Variants in ROBO2 observed in about 807,000 individuals in gnomAD.
ROBO2 encodes the protein roundabout guidance receptor 2, also known as roundabout homolog 2.
In ROBO2, 53 loss-of-function variants were observed where a neutral mutation model predicts 160.8. That is an observed-to-expected ratio of 0.33 (90% CI 0.26 to 0.41). The LOEUF (loss-of-function observed/expected upper bound fraction) is 0.41. ROBO2 is among the 10% of genes least tolerant of loss of function. The probability of loss-of-function intolerance (pLI) is 1.00; values close to 1 mark genes in which losing one functional copy is unlikely to be tolerated. For missense variants in ROBO2, 1,577 were observed against 1,722.4 expected (o/e 0.92, Z 1.49); for synonymous variants, 664 against 611.7 (o/e 1.09, Z -1.26).
chr3:77,008,923 A>C (rs114873354), intron 2 of ROBO2, among the ~76,000 whole-genome samples: 1 of 152,228 alleles, frequency 6.6e-6, no homozygotes, highest in Non-Finnish European at 1.5e-5. Flanking sequence ...CTCAATAACA[A>C]TTTGCTGAGT....
chr3:76,078,990 A>G (rs1279542417), intron 2 of ROBO2, among the ~76,000 whole-genome samples: 1 of 152,154 alleles, frequency 6.6e-6, no homozygotes, highest in African/African-American at 2.4e-5. Context: ...TCTGATGATT[A>G]GTGATGTTGA....
chr3:76,901,586 A>AC (rs1398055759), intron 2 of ROBO2, among the ~76,000 whole-genome samples: 1 of 150,968 alleles, frequency 6.6e-6, no homozygotes, highest in Non-Finnish European at 1.5e-5. Flanking sequence ...AAAAAAAAAA[A>AC]AAAGATACAG....
At chr3:77,277,173 TTTCTTTCTTTCTTTCTTTC>T (rs2059909501) in intron 2 of ROBO2, among the ~76,000 whole-genome samples, 1 of 96,850 alleles carries the variant, frequency 1.0e-5, no homozygotes, top group African/African-American at 4.9e-5. Context: ...TCTTTCTTTC[TTTCTTTCTTTCTTTCTTTC>T]TTTCTTTCTT....
intron 2 of ROBO2, among the ~76,000 whole-genome samples, chr3:76,999,272 G>C (rs558447078): frequency 2.4e-4 from 37 of 152,022 alleles, no homozygotes; most frequent in African/African-American, 8.7e-4. Context: ...GTCACCTACA[G>C]CCTGGGTGGT....
In ROBO2 at chr3:76,680,292, T is replaced by TTTTG. The variant is rs887179510; in HGVS notation, c.110-417706_110-417703dup. On this transcript the variant is annotated intron_variant, in intron 2 of 26. Transcript: ENST00000487694. Reference sequence around the variant, plus strand: ...CACTGCCTGAATATTTTAGAACATTTTTTGTTTGTTTGTTTGTTTTCCTTT... The same window carrying TTTTG: ...CACTGCCTGAATATTTTAGAACATTTTTTGTTTGTTTGTTTGTTTGTTTTCCTTT... Among the ~76,000 whole-genome samples, 15 of 152,112 alleles carry TTTTG rather than the reference T, an allele frequency of 9.9e-5. No individual in the cohort carries two copies. The East Asian group carries it at 2.3e-3, about 24-fold the overall frequency.
intron 2 of ROBO2, among the ~76,000 whole-genome samples, chr3:77,321,638 G>C (rs959792071): frequency 6.6e-6 from 1 of 152,184 alleles, no homozygotes; most frequent in African/African-American, 2.4e-5. Flanking sequence ...CTAGAGATTA[G>C]TTGAGTGTTA....
intron 2 of ROBO2, among the ~76,000 whole-genome samples, chr3:77,290,330 CAGACAT>C (rs1423577379): frequency 2.1e-5 from 1 of 47,374 alleles, no homozygotes; most frequent in Non-Finnish European, 4.2e-5. Context: ...TAGATCACCC[CAGACAT>C]AAAGTAAAAT....
chr3:76,522,727 A>G (rs192349310), intron 2 of ROBO2, among the ~76,000 whole-genome samples: 1 of 152,108 alleles, frequency 6.6e-6, no homozygotes, highest in African/African-American at 2.4e-5. Context: ...CATTCACTAT[A>G]CTACTTATTA....
At chr3:76,055,746 C>A (rs564162332) in intron 2 of ROBO2, among the ~76,000 whole-genome samples, 1 of 152,052 alleles carries the variant, frequency 6.6e-6, no homozygotes, top group African/African-American at 2.4e-5. Flanking sequence ...TGTTGACCAC[C>A]AGCTTTTATT....
intron 2 of ROBO2, among the ~76,000 whole-genome samples, chr3:76,883,987 T>A (rs1178483699): frequency 6.6e-6 from 1 of 152,334 alleles, no homozygotes; most frequent in African/African-American, 2.4e-5. Context: ...ATATGTAGCA[T>A]ATTCACAATA....
At position 76,863,054 on chromosome 3, in the gene ROBO2, C is replaced by T. The variant is rs142245409; in HGVS notation, c.110-234960C>T. On this transcript the variant is annotated intron_variant, in intron 2 of 26. Coordinates refer to the ROBO2 transcript ENST00000487694. ...GCTAAAAATCCTTCCTTAAATCTTT[C>T]GTGCTGTAACTTCTATATTTCTTAT... 4.3e-3 allele frequency among the ~76,000 whole-genome samples: 655 copies of T among 152,146 alleles called. 1 individual carries two copies. Among genetic ancestry groups the T allele is most frequent in the Non-Finnish European group, 6.5e-3 (444 of 67,934 alleles).
intron 2 of ROBO2, among the ~76,000 whole-genome samples, chr3:77,422,504 C>T (rs2077801635): frequency 6.6e-6 from 1 of 152,160 alleles, no homozygotes; most frequent in South Asian, 2.1e-4. Flanking sequence ...TGAGATATGA[C>T]TCTGGAATCA....
At chr3:77,555,652 T>C (rs1362155825) in intron 8 of ROBO2, among the ~76,000 whole-genome samples, 2 of 151,906 alleles carry the variant, frequency 1.3e-5, no homozygotes, top group Admixed American at 6.6e-5. Flanking sequence ...CCAATAGAAG[T>C]TAAAAAGACT....
chr3:76,024,706 T>C (rs1236423005), intron 2 of ROBO2, among the ~76,000 whole-genome samples: 1 of 151,632 alleles, frequency 6.6e-6, no homozygotes, highest in Non-Finnish European at 1.5e-5. Context: ...ATGCATTTAA[T>C]TGTGTTTTCT....
chr3:76,460,931 A>G (rs928612259), intron 2 of ROBO2, among the ~76,000 whole-genome samples: 1 of 152,234 alleles, frequency 6.6e-6, no homozygotes, highest in Non-Finnish European at 1.5e-5. Flanking sequence ...AAATAGAACT[A>G]TGGAAAAGAA....
At chr3:77,306,086 C>T (rs2063074031) in intron 2 of ROBO2, among the ~76,000 whole-genome samples, 1 of 151,968 alleles carries the variant, frequency 6.6e-6, no homozygotes, top group Admixed American at 6.6e-5. Flanking sequence ...AGAAAAATCA[C>T]TTAAATATTG....
At chr3:77,295,030 C>G (rs2061883607) in intron 2 of ROBO2, among the ~76,000 whole-genome samples, 1 of 149,428 alleles carries the variant, frequency 6.7e-6, no homozygotes, top group African/African-American at 2.5e-5. Flanking sequence ...TCACCAAAGA[C>G]TTAAAGAAAA....
intron 2 of ROBO2, among the ~76,000 whole-genome samples, chr3:76,393,120 T>C (rs1007703937): frequency 6.6e-6 from 1 of 152,182 alleles, no homozygotes; most frequent in African/African-American, 2.4e-5. Context: ...TTCCTAGATA[T>C]AACATCGTTT....
chr3:76,340,664 G>A (rs1229372125), intron 2 of ROBO2, among the ~76,000 whole-genome samples: 2 of 151,940 alleles, frequency 1.3e-5, no homozygotes, highest in Non-Finnish European at 2.9e-5. Context: ...TTTTTGGAAG[G>A]GCATTTGTTT....
Sources: gnomAD v4.1 joint callset for allele counts (sites outside exome capture counted in the v4.1 genomes callset) on GRCh38, gnomAD v4.1.1 for gene constraint, MANE v1.5 for transcripts, NCBI Gene and HGNC (gene_info 2026-07-23, HGNC 2026-07-21) for gene names.